GRK4: variants seen among roughly 807,000 people sequenced by gnomAD.
GRK4 encodes the protein G protein-coupled receptor kinase 4, also known as G protein-coupled receptor kinase 2-like.
A neutral mutation model predicts 77.9 loss-of-function variants in GRK4; 73 were observed. That is an observed-to-expected ratio of 0.94 (90% CI 0.78 to 1.14). The LOEUF is 1.14. GRK4 is among the 50% of genes most tolerant of loss of function. The probability of loss-of-function intolerance (pLI) is 0.00; values close to 1 mark genes in which losing one functional copy is unlikely to be tolerated. For missense variants in GRK4, 729 were observed against 700.2 expected (o/e 1.04, Z -0.46); for synonymous variants, 257 against 254.4 (o/e 1.01, Z -0.10).
chr4:2,979,793 C>T (rs1007169769), intron 1 of GRK4, among the ~76,000 whole-genome samples: 4 of 152,148 alleles, frequency 2.6e-5, no homozygotes, highest in African/African-American at 9.7e-5. Context: ...GTAGCTGGAT[C>T]TCTTGAGTCC....
chr4:3,018,268 ATAACCTATTAAGGATT>A (rs1735117829), intron 8 of GRK4, among the ~76,000 whole-genome samples: 1 of 152,152 alleles, frequency 6.6e-6, no homozygotes, highest in African/African-American at 2.4e-5. Flanking sequence ...AGATTTTTAG[ATAACCTATTAAGGATT>A]TAACCAAGTG....
chr4:3,039,168 A>G (rs1052994186), intron 15 of GRK4, among the ~76,000 whole-genome samples: 29 of 151,986 alleles, frequency 1.9e-4, no homozygotes, highest in African/African-American at 6.5e-4. Flanking sequence ...GTGAGCCGAG[A>G]TCGTGCCACT....
intron 15 of GRK4, 50 bp downstream of exon 15, chr4:3,038,563 A>C (rs1291803433): frequency 5.8e-6 from 9 of 1,560,686 alleles, no homozygotes; most frequent in South Asian, 3.6e-5. Flanking sequence ...AAAAAAAAAA[A>C]AACATACTGA....
chr4:2,976,052 G>A (rs1721053230), intron 1 of GRK4, among the ~76,000 whole-genome samples: 1 of 152,180 alleles, frequency 6.6e-6, no homozygotes, highest in African/African-American at 2.4e-5. Context: ...GGGGCAAGGA[G>A]CAAGGGAAGT....
chr4:2,988,149 G>C (rs1403172466), intron 2 of GRK4, among the ~76,000 whole-genome samples: 1 of 147,864 alleles, frequency 6.8e-6, no homozygotes, highest in East Asian at 2.0e-4. Flanking sequence ...AGGAACGCCA[G>C]ACTCTTCCAA....
At chr4:2,998,744 G>A (rs1345370109) in intron 4 of GRK4, among the ~76,000 whole-genome samples, 2 of 152,070 alleles carry the variant, frequency 1.3e-5, no homozygotes, top group African/African-American at 2.4e-5. Flanking sequence ...TCTCCTGTTC[G>A]TGGATCAGAA....
chr4:3,015,411 C>T (rs1013969467), intron 8 of GRK4, among the ~76,000 whole-genome samples: 4 of 152,056 alleles, frequency 2.6e-5, no homozygotes. Context: ...TGGGGCCGGG[C>T]GCGGTGGCTC....
At chr4:2,986,355 T>G in intron 2 of GRK4, among the ~76,000 whole-genome samples, 1 of 52,276 alleles carries the variant, frequency 1.9e-5, no homozygotes, top group Non-Finnish European at 3.7e-5. Flanking sequence ...AGGTGTTATC[T>G]TTTTTTTTTT....
chr4:3,027,827 G>A (rs916840142), intron 10 of GRK4, 85 bp from the exon 11 acceptor site: 20 of 1,058,892 alleles, frequency 1.9e-5, no homozygotes, highest in African/African-American at 1.4e-4. Flanking sequence ...CATGGTTTTT[G>A]AGGGGCCTTT....
chr4:2,972,832 TCA>T (rs1212519115), intron 1 of GRK4, among the ~76,000 whole-genome samples: 1 of 152,124 alleles, frequency 6.6e-6, no homozygotes, highest in African/African-American at 2.4e-5. Context: ...CCTCCCGGGC[TCA>T]AGCAGCTCTC....
In GRK4 at chr4:3,038,383, A is replaced by G. The variant is rs1205010801; in HGVS notation, c.1553A>G (p.Glu518Gly). The change falls in exon 15 of 16, where the codon GAA (glutamate) becomes GGA (glycine). Residue 518 changes from glutamate (E) to glycine (G), a missense_variant. By Grantham distance (98) the Glu-to-Gly change is moderately conservative. Coordinates refer to ENST00000398052, the MANE Select transcript of GRK4 (RefSeq NM_182982.3). ...VSIPWQNEMI[E>G]SGCFKDINKS... ...GTTATTCTGTGCATGCAGATGATCG[A>G]ATCTGGGTGTTTCAAAGACATCAAC... is the stretch of plus-strand genomic sequence containing the variant. 1.9e-6 allele frequency: 3 copies of G among 1,614,162 alleles called. No homozygotes were observed. Among genetic ancestry groups the G allele is most frequent in the Admixed American group, 1.7e-5 (1 of 60,012 alleles).
chr4:3,034,275 T>C (rs926929369), intron 12 of GRK4, among the ~76,000 whole-genome samples: 1 of 152,004 alleles, frequency 6.6e-6, no homozygotes, highest in Non-Finnish European at 1.5e-5. Flanking sequence ...CGGTGGGAGA[T>C]AGAAGCGCAG....
chr4:3,006,746 C>A (rs1302079818), intron 5 of GRK4, among the ~76,000 whole-genome samples: 1 of 152,066 alleles, frequency 6.6e-6, no homozygotes, highest in African/African-American at 2.4e-5. Flanking sequence ...ACCCTCCAGC[C>A]TGGGTGACAG....
At chr4:2,988,506 G>T (rs757988071) in intron 2 of GRK4, among the ~76,000 whole-genome samples, 3 of 152,152 alleles carry the variant, frequency 2.0e-5, no homozygotes, top group Non-Finnish European at 4.4e-5. Context: ...GGGAGGCAGA[G>T]GCTGCAGTGA....
intron 13 of GRK4, 115 bp downstream of exon 13, chr4:3,035,638 G>A: frequency 8.3e-7 from 1 of 1,200,098 alleles, no homozygotes; most frequent in South Asian, 1.6e-5. Context: ...TGCCCAGGCT[G>A]GTCTTGCACT....
chr4:3,026,042 C>T (rs1281564472), intron 10 of GRK4, among the ~76,000 whole-genome samples: 1 of 152,228 alleles, frequency 6.6e-6, no homozygotes, highest in Non-Finnish European at 1.5e-5. Context: ...CGCTGGTAAG[C>T]GTGTCATCTC....
chr4:3,019,766 C>G lies in GRK4; in HGVS notation c.867C>G (p.Ala289=). Residue 289 remains alanine, a synonymous_variant, in exon 9 of 16, where the codon GCC becomes GCG. Transcript: ENST00000398052. ...ATCCCGGCTTTGATGAGCAGAGAGC[C>G]GTTTTCTATGCTGCAGAGCTGTGTT... ...LGNPGFDEQR[A]VFYAAELCCG... is the part of the protein sequence containing the mutation. The G allele has an allele frequency of 6.2e-7, 1 of 1,614,084 alleles. No homozygotes were observed. The highest frequency in any genetic ancestry group is 8.5e-7 in the Non-Finnish European group (1 of 1,180,014).
intron 13 of GRK4, among the ~76,000 whole-genome samples, 171 bp downstream of exon 13, chr4:3,035,694 A>G (rs1434492473): frequency 1.3e-5 from 2 of 151,372 alleles, no homozygotes; most frequent in Non-Finnish European, 2.9e-5. Context: ...CAGTGCTGGG[A>G]TTATAGGCGT....
At chr4:3,023,558 T>C (rs1452566324) in intron 10 of GRK4, among the ~76,000 whole-genome samples, 2 of 152,182 alleles carry the variant, frequency 1.3e-5, no homozygotes, top group Non-Finnish European at 2.9e-5. Context: ...CACCCTGCCC[T>C]GTGAGGAAGG....
Sources: allele counts gnomAD v4.1 joint callset (sites outside exome capture counted in the v4.1 genomes callset), GRCh38; gene constraint gnomAD v4.1.1; transcripts MANE v1.5; gene names NCBI Gene and HGNC (gene_info 2026-07-23, HGNC 2026-07-21).